The following GKAP1 variants were observed in gnomAD, a reference collection of about 807,000 sequenced individuals.
GKAP1 encodes G kinase-anchoring protein 1.
GKAP1 carries 31 observed loss-of-function variants against 56.7 expected under a neutral mutation model. The ratio of observed to expected loss-of-function variants is 0.55; its 90% CI spans 0.41 to 0.74. The LOEUF is 0.74. Ranked by LOEUF, GKAP1 falls within the 30% of genes least tolerant of loss-of-function variation. The probability of loss-of-function intolerance (pLI) is 0.00; values close to 1 mark genes in which losing one functional copy is unlikely to be tolerated. For synonymous variants in GKAP1, 151 were observed against 138.6 expected (o/e 1.09, Z -0.63); for missense variants, 364 against 402.3 (o/e 0.90, Z 0.82).
At chr9:83,800,493 C>T (rs1387251681) in intron 3 of GKAP1, among the ~76,000 whole-genome samples, 1 of 151,984 alleles carries the variant, frequency 6.6e-6, no homozygotes, top group Non-Finnish European at 1.5e-5. Flanking sequence ...GCCACCACGC[C>T]CAGATACTTT....
chr9:83,779,811 C>T (rs1943940752), intron 7 of GKAP1, among the ~76,000 whole-genome samples: 1 of 151,478 alleles, frequency 6.6e-6, no homozygotes, highest in Non-Finnish European at 1.5e-5. Flanking sequence ...TTTTTAATAG[C>T]ACAATCTCCC....
At chr9:83,812,867 T>C (rs1230032174) in intron 2 of GKAP1, among the ~76,000 whole-genome samples, 4 of 152,178 alleles carry the variant, frequency 2.6e-5, no homozygotes, top group Non-Finnish European at 5.9e-5. Context: ...AGAGCAACTA[T>C]CGAAGACTAA....
At chr9:83,790,790 T>C (rs1944144715) in intron 4 of GKAP1, among the ~76,000 whole-genome samples, 1 of 151,978 alleles carries the variant, frequency 6.6e-6, no homozygotes, top group African/African-American at 2.4e-5. Flanking sequence ...CCAGACTAGA[T>C]GACAGAGTGG....
At chr9:83,768,595 G>A (rs1320138662) in intron 8 of GKAP1, among the ~76,000 whole-genome samples, 1 of 152,124 alleles carries the variant, frequency 6.6e-6, no homozygotes, top group African/African-American at 2.4e-5. Context: ...CATAGCTTAT[G>A]GCACATGCTC....
intron 5 of GKAP1, among the ~76,000 whole-genome samples, chr9:83,786,473 G>A (rs1250413844): frequency 2.2e-4 from 33 of 151,822 alleles, no homozygotes; most frequent in Admixed American, 2.0e-3. Flanking sequence ...CCCGGGAGGC[G>A]GGGGTTGTGG....
chr9:83,775,273 C>A (rs904793977), intron 7 of GKAP1, among the ~76,000 whole-genome samples: 1 of 152,156 alleles, frequency 6.6e-6, no homozygotes, highest in South Asian at 2.1e-4. Flanking sequence ...TCTGAAGTAG[C>A]TGGCATTACA....
At chr9:83,776,925 CA>C (rs1264929929) in intron 7 of GKAP1, among the ~76,000 whole-genome samples, 15 of 102,184 alleles carry the variant, frequency 1.5e-4, no homozygotes, top group Non-Finnish European at 3.0e-4. Context: ...ACATGTGGAG[CA>C]TTAGTGCTAA....
intron 4 of GKAP1, among the ~76,000 whole-genome samples, chr9:83,798,520 T>C (rs1239909466): frequency 6.6e-6 from 1 of 152,142 alleles, no homozygotes; most frequent in Non-Finnish European, 1.5e-5. Flanking sequence ...CTGGGTATTA[T>C]TTGTTTTTTG....
chr9:83,746,430 T>G (rs1943294863), intron 10 of GKAP1, among the ~76,000 whole-genome samples: 1 of 152,060 alleles, frequency 6.6e-6, no homozygotes, highest in Non-Finnish European at 1.5e-5. Context: ...TAGCTGGGCG[T>G]GGTGGCTCAT....
At chr9:83,754,908 A>AATTACTAC (rs1423963131) in intron 8 of GKAP1, among the ~76,000 whole-genome samples, 5 of 152,248 alleles carry the variant, frequency 3.3e-5, no homozygotes, top group Non-Finnish European at 5.9e-5. Context: ...AAGATCCTTT[A>AATTACTAC]ATTACTACTC....
intron 3 of GKAP1, among the ~76,000 whole-genome samples, chr9:83,803,870 A>C (rs1944377569): frequency 7.9e-6 from 1 of 126,788 alleles, no homozygotes; most frequent in African/African-American, 3.1e-5. Flanking sequence ...CCGGCCGCCC[A>C]TCGTCTGAGA....
chr9:83,756,352 T>A (rs1201261691), intron 8 of GKAP1, among the ~76,000 whole-genome samples: 1 of 149,304 alleles, frequency 6.7e-6, no homozygotes, highest in Non-Finnish European at 1.5e-5. Flanking sequence ...ATGCCTTCAA[T>A]CCCAGATACT....
chr9:83,762,262 A>G (rs1226754039), intron 8 of GKAP1, among the ~76,000 whole-genome samples: 1 of 152,100 alleles, frequency 6.6e-6, no homozygotes, highest in Non-Finnish European at 1.5e-5. Context: ...CCAACAGAGA[A>G]CAACCTGAAA....
intron 7 of GKAP1, among the ~76,000 whole-genome samples, chr9:83,770,718 C>T (rs1045549672): frequency 2.0e-5 from 3 of 152,116 alleles, no homozygotes; most frequent in Non-Finnish European, 2.9e-5. Flanking sequence ...TGTGCCACCA[C>T]GCCCAGGTAA....
intron 4 of GKAP1, among the ~76,000 whole-genome samples, chr9:83,791,026 T>C (rs954743799): frequency 1.3e-5 from 2 of 152,210 alleles, no homozygotes; most frequent in Non-Finnish European, 1.5e-5. Flanking sequence ...TCTTGTTAGA[T>C]GTCATTTTTA....
intron 7 of GKAP1, among the ~76,000 whole-genome samples, chr9:83,774,703 T>A (rs1462449606): frequency 9.3e-6 from 1 of 107,790 alleles, no homozygotes; most frequent in Non-Finnish European, 1.9e-5. Context: ...AGAAACCCCC[T>A]TTTTTTTTTT....
chr9:83,777,299 G>T (rs1304461958), intron 7 of GKAP1, among the ~76,000 whole-genome samples: 1 of 152,126 alleles, frequency 6.6e-6, no homozygotes, highest in African/African-American at 2.4e-5. Flanking sequence ...AGTTTGGAAG[G>T]CCAGATAAAA....
At chr9:83,810,928 T>C (rs1944497930) in intron 2 of GKAP1, among the ~76,000 whole-genome samples, 1 of 152,228 alleles carries the variant, frequency 6.6e-6, no homozygotes, top group Non-Finnish European at 1.5e-5. Context: ...TGGTATGGCC[T>C]ATTGCTTCTA....
intron 4 of GKAP1, 135 bp from the exon 5 acceptor site, chr9:83,788,813 T>C (rs1944108276): frequency 4.1e-6 from 2 of 491,860 alleles, no homozygotes; most frequent in South Asian, 7.7e-5. Flanking sequence ...CAAAGTTATC[T>C]AACCATGCCA....
Sources: allele counts gnomAD v4.1 joint callset (sites outside exome capture counted in the v4.1 genomes callset), GRCh38; gene constraint gnomAD v4.1.1; transcripts MANE v1.5; gene names NCBI Gene and HGNC (gene_info 2026-07-23, HGNC 2026-07-21).